Variants in KAT6A observed in about 807,000 individuals in gnomAD.
KAT6A encodes lysine acetyltransferase 6A, also known as histone acetyltransferase KAT6A.
Under a neutral mutation model 198.4 loss-of-function variants are expected in KAT6A, and 9 were observed. The ratio of observed to expected loss-of-function variants is 0.05; its 90% CI spans 0.03 to 0.08. The LOEUF (loss-of-function observed/expected upper bound fraction) is 0.08, where lower values mean the gene tolerates loss of function less well. KAT6A is among the 10% of genes least tolerant of loss of function. The probability of loss-of-function intolerance (pLI) is 1.00; values close to 1 mark genes in which losing one functional copy is unlikely to be tolerated. For missense variants in KAT6A, 2,077 were observed against 2,509.9 expected (o/e 0.83, Z 3.69); for synonymous variants, 890 against 883.0 (o/e 1.01, Z -0.14).
intron 2 of KAT6A, among the ~76,000 whole-genome samples, chr8:42,009,918 A>AC (rs199793174): frequency 0.015 from 2,293 of 148,318 alleles, 84 homozygotes; most frequent in African/African-American, 0.053. Context: ...AAAAAAACAA[A>AC]AAAAAACAAA....
At chr8:41,977,394 A>T in intron 6 of KAT6A, 67 bp from the exon 7 acceptor site, 2 of 1,030,708 alleles carry the variant, frequency 1.9e-6, no homozygotes, top group Non-Finnish European at 2.8e-6. Flanking sequence ...TTTTTAATAC[A>T]TAACATATAA....
At chr8:41,993,834 T>C (rs1825060978) in intron 2 of KAT6A, among the ~76,000 whole-genome samples, 2 of 152,202 alleles carry the variant, frequency 1.3e-5, no homozygotes, top group African/African-American at 4.8e-5. Flanking sequence ...CATTTAAAAA[T>C]TATAACTCCA....
intron 2 of KAT6A, among the ~76,000 whole-genome samples, chr8:42,034,023 A>G (rs996689698): frequency 4.6e-5 from 7 of 152,172 alleles, no homozygotes; most frequent in African/African-American, 7.2e-5. Context: ...TCAGCCTGGG[A>G]GCAGGGTGGG....
intron 2 of KAT6A, among the ~76,000 whole-genome samples, chr8:42,001,848 A>AAG (rs1825507775): frequency 6.6e-6 from 1 of 152,198 alleles, no homozygotes; most frequent in African/African-American, 2.4e-5. Flanking sequence ...GTTACCTATA[A>AAG]AGAGAGCATC....
intron 5 of KAT6A, 117 bp downstream of exon 5, chr8:41,980,729 T>C (rs1303314006): frequency 1.3e-6 from 1 of 790,174 alleles, no homozygotes; most frequent in Non-Finnish European, 2.2e-6. Flanking sequence ...TCTTCCTACT[T>C]ATACAACCTC....
intron 12 of KAT6A, among the ~76,000 whole-genome samples, chr8:41,944,973 TCAAGA>T (rs1464526880): frequency 6.6e-6 from 1 of 152,210 alleles, no homozygotes; most frequent in Non-Finnish European, 1.5e-5. Flanking sequence ...AATTAACATC[TCAAGA>T]CTAGAATCAA....
Position 41,932,119 on chromosome 8 carries a change from A to C in KAT6A, c.*86T>G. Reference sequence around the variant, plus strand: ...AATCTACAGCAATATTTTAACTGGAAAAAGGTCCATTTTTCTCTGGTTTGT... The same window carrying C: ...AATCTACAGCAATATTTTAACTGGACAAAGGTCCATTTTTCTCTGGTTTGT... On this transcript the variant is annotated 3_prime_UTR_variant, in exon 17 of 17. Transcript: ENST00000265713. The C allele has an allele frequency of 1.6e-6, 2 of 1,223,726 alleles. No individual in the cohort carries two copies. The highest frequency in any genetic ancestry group is 2.1e-6 in the Non-Finnish European group (2 of 948,948). 75.8% of individuals were successfully genotyped at this position (1,223,726 alleles called of 1,614,324 possible). A position where few individuals can be genotyped will look rare whatever the true frequency, so the allele number is the denominator to read the frequency against.
At chr8:42,009,562 CTTTAAT>C (rs1348488398) in intron 2 of KAT6A, among the ~76,000 whole-genome samples, 2 of 151,748 alleles carry the variant, frequency 1.3e-5, no homozygotes, top group Non-Finnish European at 2.9e-5. Context: ...TTCACAAAAC[CTTTAAT>C]TTTTTTTCTG....
intron 8 of KAT6A, among the ~76,000 whole-genome samples, chr8:41,965,549 C>T (rs1283819589): frequency 1.3e-5 from 2 of 152,174 alleles, no homozygotes; most frequent in Admixed American, 1.3e-4. Flanking sequence ...TGGCTTCAAA[C>T]CACTTTTTTT....
In KAT6A at chr8:41,987,544, G is replaced by A; in HGVS notation, c.620C>T (p.Pro207Leu). ...EKDKPVAEPIPICSFCLGTKE... is the reference protein window; with the variant it reads ...EKDKPVAEPILICSFCLGTKE... ...TGTACCAAGACAGAAACTACAGATG[G>A]GGATTGGTTCAGCAACCGGCTGTGA... The change falls in exon 3 of 17, where the codon CCC (proline) becomes CTC (leucine). Residue 207 changes from proline (P) to leucine (L), a missense_variant. Around this residue, in one of 13 missense-constraint regions of KAT6A, gnomAD observed 185 missense variants for 185.7 expected, o/e 1.00. Transcript: ENST00000265713. 1.2e-6 allele frequency: 2 copies of A among 1,612,318 alleles called. No homozygotes were observed. The highest frequency in any genetic ancestry group is 1.7e-6 in the Non-Finnish European group (2 of 1,178,478).
chr8:41,987,624 A>C, intron 2 of KAT6A, 61 bp from the exon 3 acceptor site: 1 of 965,040 alleles, frequency 1.0e-6, no homozygotes, highest in Non-Finnish European at 1.6e-6. Flanking sequence ...TACTACAAAG[A>C]CATCAAAATT....
At chr8:41,997,225 T>C (rs918827924) in intron 2 of KAT6A, among the ~76,000 whole-genome samples, 1 of 152,216 alleles carries the variant, frequency 6.6e-6, no homozygotes, top group Non-Finnish European at 1.5e-5. Context: ...CCAATTAGTA[T>C]AGATTTTTCA....
chr8:41,992,021 CA>C (rs1371979923), intron 2 of KAT6A, among the ~76,000 whole-genome samples: 1 of 151,818 alleles, frequency 6.6e-6, no homozygotes. Context: ...GGGCAACAAG[CA>C]AAACCCCATC....
chr8:41,972,302 T>C (rs190288901), intron 8 of KAT6A, among the ~76,000 whole-genome samples: 18 of 152,302 alleles, frequency 1.2e-4, no homozygotes, highest in African/African-American at 4.3e-4. Context: ...AAGTAAATGA[T>C]TCAGGCAAAA....
At chr8:42,020,039 T>G (rs940439968) in intron 2 of KAT6A, among the ~76,000 whole-genome samples, 1 of 152,242 alleles carries the variant, frequency 6.6e-6, no homozygotes, top group Admixed American at 6.5e-5. Flanking sequence ...GCAGTGATGT[T>G]ATCAATGTAA....
intron 2 of KAT6A, among the ~76,000 whole-genome samples, chr8:42,028,808 T>C (rs369819589): frequency 1.3e-5 from 2 of 152,244 alleles, no homozygotes; most frequent in Non-Finnish European, 2.9e-5. Context: ...TCCTCTCTCA[T>C]TGGTTGTCAC....
chr8:41,943,057 G>C (rs567051910), intron 13 of KAT6A, 57 bp from the exon 14 acceptor site: 18 of 1,602,452 alleles, frequency 1.1e-5, no homozygotes, highest in African/African-American at 9.4e-5. Context: ...ACATAAAAAT[G>C]AATGTGGAGA....
intron 9 of KAT6A, among the ~76,000 whole-genome samples, chr8:41,954,965 A>C (rs913311765): frequency 2.0e-5 from 3 of 152,184 alleles, no homozygotes; most frequent in African/African-American, 7.2e-5. Context: ...ATTAATTTAT[A>C]TATGAGTTCT....
At chr8:41,965,157 G>T (rs979164279) in intron 8 of KAT6A, among the ~76,000 whole-genome samples, 1 of 152,132 alleles carries the variant, frequency 6.6e-6, no homozygotes, top group Non-Finnish European at 1.5e-5. Flanking sequence ...AATGGAAACA[G>T]GTACACATCA....
Sources: allele counts gnomAD v4.1 joint callset (sites outside exome capture counted in the v4.1 genomes callset), GRCh38; gene constraint gnomAD v4.1.1; regional missense constraint gnomAD v4.1.1; transcripts MANE v1.5; gene names NCBI Gene and HGNC (gene_info 2026-07-23, HGNC 2026-07-21).